Variants in ATP10A observed in about 807,000 individuals in gnomAD.
ATP10A encodes ATPase phospholipid transporting 10A (putative), also known as phospholipid-transporting ATPase VA.
In ATP10A, 111 loss-of-function variants were observed where a neutral mutation model predicts 147.8. The observed-to-expected ratio is 0.75, with a 90% CI of 0.64 to 0.88. The LOEUF is 0.88. ATP10A is among the 40% of genes least tolerant of loss of function. ATP10A has a pLI of 0.00. For synonymous variants in ATP10A, 875 were observed against 841.6 expected, an observed-to-expected ratio of 1.04 and a Z score of -0.69; for missense variants, 1,927 against 1,959.0, an observed-to-expected ratio of 0.98 and a Z score of 0.31.
At chr15:25,764,898 G>C (rs1888944189) in intron 2 of ATP10A, among the ~76,000 whole-genome samples, 1 of 152,192 alleles carries the variant, frequency 6.6e-6, no homozygotes, top group Non-Finnish European at 1.5e-5. Context: ...TCCATGACTG[G>C]GTTCAGGAAA....
At chr15:25,797,391 G>C (rs1890721559) in intron 1 of ATP10A, among the ~76,000 whole-genome samples, 1 of 152,210 alleles carries the variant, frequency 6.6e-6, no homozygotes, top group Non-Finnish European at 1.5e-5. Context: ...AGCCCCCTCA[G>C]AGAGAGTCCC....
intron 17 of ATP10A, among the ~76,000 whole-genome samples, chr15:25,682,616 C>T (rs909645696): frequency 1.3e-5 from 2 of 152,200 alleles, no homozygotes; most frequent in Non-Finnish European, 2.9e-5. Context: ...AAGCAGAGGC[C>T]CTGCTCCCCT....
intron 3 of ATP10A, among the ~76,000 whole-genome samples, chr15:25,734,214 G>A (rs1299914291): frequency 6.6e-6 from 1 of 151,990 alleles, no homozygotes; most frequent in East Asian, 1.9e-4. Flanking sequence ...ACCTTTCCTA[G>A]GCTCTGTGGA....
At chr15:25,803,824 G>A (rs993302998) in intron 1 of ATP10A, among the ~76,000 whole-genome samples, 3 of 152,194 alleles carry the variant, frequency 2.0e-5, no homozygotes, top group African/African-American at 7.2e-5. Flanking sequence ...GTGTAACCGG[G>A]AGCCGCTGCT....
intron 9 of ATP10A, among the ~76,000 whole-genome samples, chr15:25,714,618 G>T (rs1385377510): frequency 6.6e-6 from 1 of 152,058 alleles, no homozygotes; most frequent in Non-Finnish European, 1.5e-5. Flanking sequence ...CATCAGTGAG[G>T]CCTGGATGTA....
chr15:25,823,486 G>GGGT (rs1891974856), intron 1 of ATP10A, among the ~76,000 whole-genome samples: 2 of 152,042 alleles, frequency 1.3e-5, no homozygotes, highest in Non-Finnish European at 2.9e-5. Flanking sequence ...CTTCTGTGGG[G>GGGT]TCAGTGCCCT....
chr15:25,730,519 A>C (rs552033933), intron 3 of ATP10A, among the ~76,000 whole-genome samples: 1 of 152,158 alleles, frequency 6.6e-6, no homozygotes, highest in Admixed American at 6.5e-5. Context: ...CTCAGCGGCC[A>C]CTAATCTAGC....
intron 1 of ATP10A, among the ~76,000 whole-genome samples, chr15:25,815,727 A>G (rs1206779942): frequency 6.6e-6 from 1 of 152,238 alleles, no homozygotes; most frequent in African/African-American, 2.4e-5. Flanking sequence ...TGCTTTTTCC[A>G]CGAAAATAAA....
Position 25,721,775 on chromosome 15 carries a change from C to T in ATP10A, c.1245G>A (p.Thr415=), listed in dbSNP as rs374857043. The T allele has an allele frequency of 9.3e-6, 15 of 1,614,030 alleles. No individual in the cohort carries two copies. Among genetic ancestry groups the T allele is most frequent in the Non-Finnish European group, 1.3e-5 (15 of 1,180,042 alleles). The part of the protein sequence containing the change: ...SQLQCRALNI[T]EDLGQIQYIF... ...TGTACTGTATCTGTCCTAAGTCTTC[C>T]GTGATGTTCAGAGCTCGGCACTGCA... is the stretch of plus-strand genomic sequence containing the variant. Residue 415 remains threonine, a synonymous_variant, in exon 7 of 21, where the codon ACG becomes ACA. Transcript: ENST00000555815.
intron 1 of ATP10A, among the ~76,000 whole-genome samples, chr15:25,861,337 C>T (rs1490660282): frequency 2.6e-5 from 4 of 152,132 alleles, no homozygotes; most frequent in Admixed American, 6.5e-5. Context: ...AAAAGCTGTG[C>T]GGGCGGGAAG....
chr15:25,764,875 G>T (rs1173988961), intron 2 of ATP10A, among the ~76,000 whole-genome samples: 2 of 152,214 alleles, frequency 1.3e-5, no homozygotes, highest in African/African-American at 4.8e-5. Flanking sequence ...AATGGCAGAG[G>T]GTAATTGTGG....
intron 1 of ATP10A, among the ~76,000 whole-genome samples, chr15:25,837,218 T>C (rs1892635259): frequency 6.6e-6 from 1 of 152,132 alleles, no homozygotes; most frequent in Non-Finnish European, 1.5e-5. Context: ...TACCTGCCCC[T>C]CAACAGGGTT....
At chr15:25,688,427 C>T (rs1268225326) in intron 15 of ATP10A, among the ~76,000 whole-genome samples, 3 of 152,188 alleles carry the variant, frequency 2.0e-5, no homozygotes, top group East Asian at 3.9e-4. Context: ...GAAGACGTTT[C>T]CTCCATGGAC....
At chr15:25,757,765 C>A (rs984681658) in intron 2 of ATP10A, among the ~76,000 whole-genome samples, 4 of 152,210 alleles carry the variant, frequency 2.6e-5, no homozygotes, top group African/African-American at 7.2e-5. Flanking sequence ...ATGTTCAATT[C>A]TTTGCCTTCT....
intron 2 of ATP10A, among the ~76,000 whole-genome samples, chr15:25,762,227 C>T (rs1396748821): frequency 1.3e-5 from 2 of 152,116 alleles, no homozygotes; most frequent in Admixed American, 6.5e-5. Flanking sequence ...GAGGCCTCCC[C>T]GGCCATGCCA....
intron 14 of ATP10A, among the ~76,000 whole-genome samples, chr15:25,692,966 A>G (rs1900117209): frequency 6.6e-6 from 1 of 151,720 alleles, no homozygotes; most frequent in African/African-American, 2.4e-5. Flanking sequence ...ACACCCAGCC[A>G]GGTTTTGCAT....
At chr15:25,855,441 A>G (rs950471306) in intron 1 of ATP10A, among the ~76,000 whole-genome samples, 8 of 152,268 alleles carry the variant, frequency 5.3e-5, no homozygotes, top group Non-Finnish European at 8.8e-5. Flanking sequence ...TTCTTTCTTG[A>G]TGCAAAAACA....
At chr15:25,800,572 C>G (rs1890891011) in intron 1 of ATP10A, among the ~76,000 whole-genome samples, 1 of 152,204 alleles carries the variant, frequency 6.6e-6, no homozygotes, top group Admixed American at 6.5e-5. Flanking sequence ...TGGCACTGTT[C>G]CACCGTGCAC....
intron 1 of ATP10A, among the ~76,000 whole-genome samples, chr15:25,832,850 T>A (rs1252757358): frequency 6.6e-6 from 1 of 152,154 alleles, no homozygotes; most frequent in Non-Finnish European, 1.5e-5. Context: ...GAAATAAGTA[T>A]TTGAGGTGAT....
Sources: gnomAD v4.1 joint callset for allele counts (sites outside exome capture counted in the v4.1 genomes callset) on GRCh38, gnomAD v4.1.1 for gene constraint, MANE v1.5 for transcripts, NCBI Gene and HGNC (gene_info 2026-07-23, HGNC 2026-07-21) for gene names.